CA8: variants seen among roughly 807,000 people sequenced by gnomAD.
CA8 encodes the protein carbonic anhydrase 8 (inactive).
In CA8, 22 loss-of-function variants were observed where a neutral mutation model predicts 41.4. That is an observed-to-expected ratio of 0.53 (90% CI 0.38 to 0.76). The LOEUF (loss-of-function observed/expected upper bound fraction) is 0.76, where lower values mean the gene tolerates loss of function less well. CA8 is among the 30% of genes least tolerant of loss of function. The probability of loss-of-function intolerance (pLI) is 0.00; values close to 1 mark genes in which losing one functional copy is unlikely to be tolerated. For synonymous variants in CA8, 121 were observed against 130.6 expected (o/e 0.93, Z 0.50); for missense variants, 270 against 352.8 (o/e 0.77, Z 1.88).
At chr8:60,237,466 G>C (rs748904785) in intron 3 of CA8, among the ~76,000 whole-genome samples, 1 of 152,152 alleles carries the variant, frequency 6.6e-6, no homozygotes, top group African/African-American at 2.4e-5. Flanking sequence ...AGCAAGGGTC[G>C]GCCGCATTAG....
At chr8:60,202,327 A>T (rs1806457761) in intron 8 of CA8, among the ~76,000 whole-genome samples, 1 of 151,752 alleles carries the variant, frequency 6.6e-6, no homozygotes, top group South Asian at 2.1e-4. Flanking sequence ...CTGGGATTAC[A>T]GGCATGAGCC....
chr8:60,236,127 A>C (rs1032613811), intron 3 of CA8, among the ~76,000 whole-genome samples: 7 of 152,230 alleles, frequency 4.6e-5, no homozygotes, highest in African/African-American at 1.7e-4. Context: ...TTAACATTTA[A>C]ATCAACAGAC....
At chr8:60,249,175 G>A (rs1371075307) in intron 3 of CA8, among the ~76,000 whole-genome samples, 1 of 152,132 alleles carries the variant, frequency 6.6e-6, no homozygotes, top group African/African-American at 2.4e-5. Flanking sequence ...GTGAGGATCT[G>A]ATGCTTAGAG....
intron 7 of CA8, among the ~76,000 whole-genome samples, chr8:60,216,785 G>A (rs902137693): frequency 2.0e-5 from 3 of 152,174 alleles, no homozygotes; most frequent in African/African-American, 7.2e-5. Context: ...TGTGAATGCT[G>A]GCAAGGGAAT....
chr8:60,230,664 A>T (rs1461553878), intron 4 of CA8, among the ~76,000 whole-genome samples: 3 of 151,670 alleles, frequency 2.0e-5, no homozygotes, highest in Admixed American at 2.0e-4. Flanking sequence ...TCTCCTGAGA[A>T]TTTGCACACA....
At chr8:60,279,978 G>GATATC in intron 1 of CA8, 98 bp from the exon 2 acceptor site, 1 of 915,170 alleles carries the variant, frequency 1.1e-6, no homozygotes, top group Non-Finnish European at 1.7e-6. Flanking sequence ...TTGATATCAT[G>GATATC]AAGAGAGTAA....
At chr8:60,278,313 T>C (rs1222081417) in intron 2 of CA8, among the ~76,000 whole-genome samples, 1 of 152,344 alleles carries the variant, frequency 6.6e-6, no homozygotes, top group East Asian at 1.9e-4. Flanking sequence ...AACTGGCTTT[T>C]CACTAGGCTA....
chr8:60,202,677 G>A (rs1424283773), intron 8 of CA8, among the ~76,000 whole-genome samples: 1 of 152,166 alleles, frequency 6.6e-6, no homozygotes, highest in Non-Finnish European at 1.5e-5. Context: ...AGAGGCTGGG[G>A]CATCTATGGG....
intron 4 of CA8, among the ~76,000 whole-genome samples, chr8:60,228,066 T>C (rs189365895): frequency 6.6e-6 from 1 of 152,326 alleles, no homozygotes; most frequent in East Asian, 1.9e-4. Flanking sequence ...GCTGTAGATA[T>C]GTTTACATTC....
chr8:60,200,558 A>G (rs1356425555), intron 8 of CA8, among the ~76,000 whole-genome samples: 2 of 152,228 alleles, frequency 1.3e-5, no homozygotes, highest in African/African-American at 4.8e-5. Flanking sequence ...AGACGTCAGT[A>G]ATTTTATCAT....
intron 2 of CA8, among the ~76,000 whole-genome samples, chr8:60,268,996 C>T (rs1470797620): frequency 2.0e-5 from 3 of 152,124 alleles, no homozygotes; most frequent in Non-Finnish European, 4.4e-5. Context: ...GCTCTGGGTA[C>T]CTTTCACTGT....
intron 8 of CA8, among the ~76,000 whole-genome samples, chr8:60,198,352 ATCAC>A (rs369521004): frequency 6.6e-6 from 1 of 152,316 alleles, no homozygotes; most frequent in East Asian, 1.9e-4. Context: ...TTTTGTTCCC[ATCAC>A]TCACTAATAT....
intron 2 of CA8, among the ~76,000 whole-genome samples, chr8:60,272,874 A>T (rs2130618609): frequency 6.6e-6 from 1 of 152,366 alleles, no homozygotes; most frequent in African/African-American, 2.4e-5. Context: ...ATGAACACGT[A>T]TGTTTAGTTC....
chr8:60,278,643 C>CTT (rs576346364), intron 2 of CA8, among the ~76,000 whole-genome samples: 123 of 152,316 alleles, frequency 8.1e-4, no homozygotes, highest in Middle Eastern at 3.4e-3. Context: ...CCCAGTAACT[C>CTT]TTTTGGGCAA....
chr8:60,209,347 G>T (rs1209598743), intron 7 of CA8, among the ~76,000 whole-genome samples: 2 of 152,130 alleles, frequency 1.3e-5, no homozygotes, highest in Non-Finnish European at 2.9e-5. Context: ...AGCCAGGCTT[G>T]GTGGTGCACA....
intron 2 of CA8, among the ~76,000 whole-genome samples, chr8:60,275,467 T>TAAA (rs35948459): frequency 2.0e-5 from 3 of 150,882 alleles, no homozygotes; most frequent in Admixed American, 6.6e-5. Context: ...GTATTTTTTT[T>TAAA]AAAAAAAAAG....
intron 7 of CA8, among the ~76,000 whole-genome samples, chr8:60,219,929 T>TAAAAAAACAAAAA (rs1807177776): frequency 1.2e-5 from 1 of 82,034 alleles, no homozygotes; most frequent in Admixed American, 1.4e-4. Flanking sequence ...AATCTTAACT[T>TAAAAAAACAAAAA]AAAAAAAAAA....
chr8:60,233,003 C>A (rs960695361), intron 3 of CA8, among the ~76,000 whole-genome samples: 1 of 152,212 alleles, frequency 6.6e-6, no homozygotes, highest in Non-Finnish European at 1.5e-5. Flanking sequence ...TGCTCAGAGG[C>A]CTCCCTCACT....
intron 8 of CA8, among the ~76,000 whole-genome samples, chr8:60,198,598 T>A (rs1806342694): frequency 6.6e-6 from 1 of 152,080 alleles, no homozygotes; most frequent in African/African-American, 2.4e-5. Flanking sequence ...TGGTGTGTTG[T>A]AAGGGTGATT....
Sources: gnomAD v4.1 joint callset for allele counts (sites outside exome capture counted in the v4.1 genomes callset) on GRCh38, gnomAD v4.1.1 for gene constraint, MANE v1.5 for transcripts, NCBI Gene and HGNC (gene_info 2026-07-23, HGNC 2026-07-21) for gene names.